Variants in RPTOR observed in about 807,000 individuals in gnomAD.
The protein encoded by RPTOR is regulatory associated protein of MTOR complex 1.
A neutral mutation model predicts 169.9 loss-of-function variants in RPTOR; 21 were observed. The observed-to-expected ratio is 0.12, with a 90% CI of 0.09 to 0.18. The LOEUF is 0.18. Ranked by LOEUF, RPTOR falls within the 10% of genes least tolerant of loss-of-function variation. The pLI is 1.00. For missense variants in RPTOR, 1,133 were observed against 1,855.9 expected, an observed-to-expected ratio of 0.61 and a Z score of 7.16; for synonymous variants, 732 against 753.2, an observed-to-expected ratio of 0.97 and a Z score of 0.46.
At chr17:80,938,273 C>G (rs766120310) in intron 24 of RPTOR, among the ~76,000 whole-genome samples, 5 of 152,240 alleles carry the variant, frequency 3.3e-5, no homozygotes, top group African/African-American at 4.8e-5. Flanking sequence ...TTCTACCCCC[C>G]ACGTCTGGAT....
rs753964006 is a variant in RPTOR, at chr17:80,883,832, G to A, written c.1702G>A (p.Asp568Asn). The A allele has an allele frequency of 2.0e-5, 33 of 1,613,688 alleles. No individual in the cohort carries two copies. Among genetic ancestry groups the A allele is most frequent in the Non-Finnish European group, 2.8e-5 (33 of 1,180,038 alleles). Residue 568 changes from aspartate (D) to asparagine (N), a missense_variant, in exon 16 of 34, where the codon GAC (aspartate) becomes AAC (asparagine). Around this residue, in one of 9 missense-constraint regions of RPTOR, gnomAD observed 289 missense variants for 585.8 expected, o/e 0.49. Transcript: ENST00000306801. ...TGCCATCTGCCTGGAGCAGCTCAAC[G>A]ACCCGCACCCCTTGCTGCGCCAGTG... ...LIAICLEQLN[D>N]PHPLLRQWVA...
intron 2 of RPTOR, among the ~76,000 whole-genome samples, chr17:80,638,939 A>G (rs1397632921): frequency 6.6e-6 from 1 of 152,216 alleles, no homozygotes; most frequent in Non-Finnish European, 1.5e-5. Flanking sequence ...CTCCCGTCCT[A>G]GTCCCACAGA....
chr17:80,743,544 C>A, intron 5 of RPTOR: 2 of 751,948 alleles, frequency 2.7e-6, no homozygotes, highest in Non-Finnish European at 3.2e-6. Context: ...GTCATCAGTT[C>A]TTGGGAAAGG....
intron 24 of RPTOR, among the ~76,000 whole-genome samples, chr17:80,927,586 G>A (rs1233744224): frequency 2.8e-5 from 4 of 145,136 alleles, no homozygotes; most frequent in African/African-American, 1.0e-4. Flanking sequence ...TTCCCCAGAG[G>A]CATGTGGAAG....
rs35113597 is a variant in RPTOR, at chr17:80,844,976, G to GT, written c.1213-1484dup. On this transcript the variant is annotated intron_variant, in intron 10 of 33. Coordinates refer to ENST00000306801, the MANE Select transcript of RPTOR (RefSeq NM_020761.3). This position sits in a 1 kb window ranked among gnomAD's most constrained non-coding sequence, Gnocchi z 4.7. ...GGATGGGAGAGAGAGGCTGGTAGTT[G>GT]TTTTTTTTTTTTTCTTTAATTCTTT... Among the ~76,000 whole-genome samples the GT allele has an allele frequency of 0.15, 21,299 of 145,136 alleles. 3,102 individuals carry two copies. Among genetic ancestry groups the GT allele is most frequent in the African/African-American group, 0.38 (15,073 of 39,616 alleles).
intron 3 of RPTOR, among the ~76,000 whole-genome samples, chr17:80,694,487 G>A (rs1247524347): frequency 6.6e-6 from 1 of 152,244 alleles, no homozygotes; most frequent in Non-Finnish European, 1.5e-5. Context: ...GGTGCTGAAG[G>A]CTTGTGCGTT....
At chr17:80,932,851 A>C (rs952684124) in intron 24 of RPTOR, among the ~76,000 whole-genome samples, 3 of 152,202 alleles carry the variant, frequency 2.0e-5, no homozygotes, top group Non-Finnish European at 4.4e-5. Context: ...AGCTGGACAC[A>C]TATCTAAGCC....
At position 80,878,386 on chromosome 17, in the gene RPTOR, G is replaced by A. The variant is rs969096490; in HGVS notation, c.1510-2029G>A. Among the ~76,000 whole-genome samples the A allele has an allele frequency of 4.6e-5, 7 of 151,434 alleles. No individual in the cohort carries two copies. Among genetic ancestry groups the A allele is most frequent in the Non-Finnish European group, 5.9e-5 (4 of 67,890 alleles). Reference sequence around the variant, plus strand: ...TTTTGAGACGTAGTCTTGCTCTGTCGCCCAGGCTGGAATGCAGTGGTGCGA... The same window carrying A: ...TTTTGAGACGTAGTCTTGCTCTGTCACCCAGGCTGGAATGCAGTGGTGCGA... On this transcript the variant is annotated intron_variant, in intron 13 of 33. Coordinates refer to ENST00000306801, the MANE Select transcript of RPTOR (RefSeq NM_020761.3). This position sits in a 1 kb window ranked among gnomAD's most constrained non-coding sequence, Gnocchi z 4.1.
At chr17:80,866,676 T>C (rs769546376) in intron 13 of RPTOR, among the ~76,000 whole-genome samples, 1 of 152,138 alleles carries the variant, frequency 6.6e-6, no homozygotes, top group Non-Finnish European at 1.5e-5. Flanking sequence ...GGGAGAACAT[T>C]TGATAACTTT....
intron 5 of RPTOR, among the ~76,000 whole-genome samples, chr17:80,733,792 G>A (rs959358206): frequency 6.6e-6 from 1 of 152,224 alleles, no homozygotes; most frequent in Non-Finnish European, 1.5e-5. Flanking sequence ...CACTCACGAC[G>A]CCTTCTTGCG....
intron 3 of RPTOR, among the ~76,000 whole-genome samples, chr17:80,654,390 C>T (rs557832512): frequency 2.6e-5 from 4 of 152,350 alleles, no homozygotes; most frequent in Non-Finnish European, 5.9e-5. Flanking sequence ...CGGCCCAGCA[C>T]GTGGAAGACG....
At chr17:80,649,661 T>C (rs954395658) in intron 3 of RPTOR, among the ~76,000 whole-genome samples, 2 of 152,210 alleles carry the variant, frequency 1.3e-5, no homozygotes, top group African/African-American at 4.8e-5. Flanking sequence ...GGGTTAACTG[T>C]GGTGCTTTGA....
At chr17:80,892,604 T>C in intron 18 of RPTOR, 125 bp from the exon 19 acceptor site, 1 of 1,077,404 alleles carries the variant, frequency 9.3e-7, no homozygotes, top group Non-Finnish European at 1.4e-6. Context: ...CAGCCCCTGC[T>C]CTGACATTTG....
At chr17:80,744,938 C>T (rs1242894541) in intron 5 of RPTOR, among the ~76,000 whole-genome samples, 2 of 151,050 alleles carry the variant, frequency 1.3e-5, no homozygotes, top group South Asian at 2.1e-4. Flanking sequence ...CTAGCAGAGC[C>T]CTGGTTACTA....
intron 5 of RPTOR, among the ~76,000 whole-genome samples, chr17:80,750,694 A>G (rs1273242837): frequency 1.3e-5 from 2 of 152,284 alleles, no homozygotes; most frequent in East Asian, 3.9e-4. Flanking sequence ...TTTTCTGTGT[A>G]CAGCAGGTTG....
chr17:80,913,696 A>T (rs73355842), intron 21 of RPTOR, among the ~76,000 whole-genome samples: 81 of 152,056 alleles, frequency 5.3e-4, no homozygotes, highest in South Asian at 3.5e-3. Context: ...CAAGTGATTC[A>T]CCCACATTTC....
Position 80,708,769 on chromosome 17 carries a change from G to A in RPTOR, c.507+770G>A, listed in dbSNP as rs8081444. On this transcript the variant is annotated intron_variant, in intron 4 of 33. Transcript: ENST00000306801. The surrounding 1 kb of genome is among the most constrained non-coding windows in gnomAD (Gnocchi z 4.2). ...AGCTATGGGTCTCACTGCGCTCTGC[G>A]TGATGCATGAAAAGCAGTTCTTGGA... 44,566 of 196,752 alleles carry A rather than the reference G, an allele frequency of 0.23. 5,146 individuals carry two copies. The highest frequency in any genetic ancestry group is 0.32 in the East Asian group (1,728 of 5,360). The allele number at this position is 196,752 out of a possible 1,614,324, so 12.2% of individuals were successfully genotyped here.
At chr17:80,897,704 G>A (rs1480169219) in intron 20 of RPTOR, among the ~76,000 whole-genome samples, 1 of 152,188 alleles carries the variant, frequency 6.6e-6, no homozygotes, top group African/African-American at 2.4e-5. Context: ...TGACCTGGCT[G>A]GTTTAGACAT....
At chr17:80,808,922 C>T (rs190886005) in intron 7 of RPTOR, among the ~76,000 whole-genome samples, 82 of 152,310 alleles carry the variant, frequency 5.4e-4, no homozygotes, top group African/African-American at 1.4e-3. Flanking sequence ...TGTTGATGCG[C>T]GTTTGAATTG....
Sources: gnomAD v4.1 joint callset for allele counts (sites outside exome capture counted in the v4.1 genomes callset) on GRCh38, gnomAD v4.1.1 for gene constraint, gnomAD v4.1.1 regional missense constraint, Gnocchi (gnomAD v3.1) non-coding constraint, MANE v1.5 for transcripts, NCBI Gene and HGNC (gene_info 2026-07-23, HGNC 2026-07-21) for gene names.